ADD1: variants seen among roughly 807,000 people sequenced by gnomAD.
ADD1 encodes alpha-adducin.
A neutral mutation model predicts 80.5 loss-of-function variants in ADD1; 24 were observed. The observed-to-expected ratio is 0.30, with a 90% confidence interval of 0.22 to 0.42. The LOEUF (loss-of-function observed/expected upper bound fraction) is 0.42, where lower values mean the gene tolerates loss of function less well. Among genes scored for constraint, ADD1 ranks in the 10% least tolerant of loss-of-function variants. The pLI, the probability that ADD1 is intolerant of heterozygous loss-of-function variation, is 1.00. For missense variants in ADD1, 948 were observed against 1,019.0 expected (o/e 0.93, Z 0.95); for synonymous variants, 373 against 393.8 (o/e 0.95, Z 0.63).
chr4:2,917,331 T>G (rs1028827508), intron 14 of ADD1, among the ~76,000 whole-genome samples: 8 of 152,248 alleles, frequency 5.3e-5, no homozygotes. Context: ...ATAAATGTCT[T>G]CTTTTGAGAA....
At chr4:2,852,751 T>C (rs1560140229) in intron 1 of ADD1, among the ~76,000 whole-genome samples, 4 of 148,014 alleles carry the variant, frequency 2.7e-5, no homozygotes, top group Admixed American at 2.1e-4. Context: ...CAGGCTGAAG[T>C]GCAGCGGTGC....
At chr4:2,851,212 CT>C (rs1727028081) in intron 1 of ADD1, among the ~76,000 whole-genome samples, 2 of 152,120 alleles carry the variant, frequency 1.3e-5, no homozygotes, top group Non-Finnish European at 2.9e-5. Context: ...CCACAGCTGG[CT>C]AATTTTTAAA....
intron 4 of ADD1, among the ~76,000 whole-genome samples, chr4:2,886,949 T>C (rs994455859): frequency 4.5e-4 from 68 of 152,370 alleles, no homozygotes; most frequent in African/African-American, 1.6e-3. Context: ...GATAACAGCT[T>C]CACCTTCTTC....
chr4:2,885,862 G>T (rs965859974), intron 4 of ADD1, among the ~76,000 whole-genome samples: 1 of 151,948 alleles, frequency 6.6e-6, no homozygotes, highest in Non-Finnish European at 1.5e-5. Context: ...CGCCCGCCTT[G>T]GCCTCCCAAA....
rs746468920 is a variant in ADD1, at chr4:2,928,457, CA to C, written c.2339del (p.Lys780ArgfsTer11). The C allele has an allele frequency of 6.2e-7, 1 of 1,613,582 alleles. No homozygotes were observed. Among genetic ancestry groups the C allele is most frequent in the South Asian group, 1.1e-5 (1 of 91,068 alleles). Reference protein sequence around the residue: ...SDGSPGKSPSKKKKKFRTPSF... With the variant: ...SDGSPGKSPSXKKKKFRTPSF... ...ATGGGTCTCCAGGCAAGTCCCCGTC[CA>C]AAAAGAAGAAGAAGTTCCGTACCCC... On this transcript the variant is annotated frameshift_variant, in exon 16 of 16. Coordinates refer to ENST00000683351, the MANE Select transcript of ADD1 (RefSeq NM_001354761.2). LOFTEE classifies it high-confidence loss of function.
intron 9 of ADD1, among the ~76,000 whole-genome samples, chr4:2,904,344 G>A (rs147816870): frequency 6.6e-6 from 1 of 152,112 alleles, no homozygotes; most frequent in Non-Finnish European, 1.5e-5. Flanking sequence ...CCAAAACAAA[G>A]GTTGTTTTGC....
rs749839697 is a variant in ADD1, at chr4:2,926,687, G to A, written c.2047+575G>A. 61 of 1,612,706 alleles carry A rather than the reference G, an allele frequency of 3.8e-5. 1 individual carries two copies. The highest frequency in any genetic ancestry group is 1.1e-4 in the South Asian group (10 of 90,932). ...TACCTGTTACCCTAGTAAGTACCGT[G>A]CTGCCTCCGCTCTCCACCGGTGCCC... On this transcript the variant is annotated intron_variant, in intron 15 of 15. Coordinates refer to ENST00000683351, the MANE Select transcript of ADD1 (RefSeq NM_001354761.2). This position sits in a 1 kb window ranked among gnomAD's most constrained non-coding sequence, Gnocchi z 5.0.
At chr4:2,852,602 C>T (rs1384275879) in intron 1 of ADD1, among the ~76,000 whole-genome samples, 1 of 151,904 alleles carries the variant, frequency 6.6e-6, no homozygotes, top group African/African-American at 2.4e-5. Context: ...ACAGAATCAC[C>T]AGCAATGTCA....
At chr4:2,894,519 A>G in intron 5 of ADD1, 63 bp from the exon 6 acceptor site, 1 of 1,497,782 alleles carries the variant, frequency 6.7e-7, no homozygotes, top group Non-Finnish European at 9.0e-7. Flanking sequence ...AAAAAAAAAA[A>G]AAAAAAGAAA....
intron 4 of ADD1, among the ~76,000 whole-genome samples, chr4:2,892,852 A>AC (rs1734538886): frequency 2.4e-5 from 2 of 84,792 alleles, no homozygotes; most frequent in Non-Finnish European, 6.2e-5. Context: ...AATAAAAAAC[A>AC]AAAAAAAAAA....
At position 2,907,732 on chromosome 4, in the gene ADD1, T is replaced by C; in HGVS notation, c.1507-11T>C. 1 of 1,605,000 alleles carries C rather than the reference T, an allele frequency of 6.2e-7. No individual in the cohort carries two copies. The highest frequency in any genetic ancestry group is 1.7e-5 in the Admixed American group (1 of 60,014). On this transcript the variant is annotated splice_polypyrimidine_tract_variant and intron_variant, in intron 10 of 15. Transcript: ENST00000683351. The stretch of plus-strand genomic sequence containing the variant: ...ATAATTCTGACTTTTCAACTGTTCT[T>C]GATATTACAGTGGACTAAAGAGGAT...
intron 6 of ADD1, among the ~76,000 whole-genome samples, chr4:2,897,747 T>C (rs1163837892): frequency 6.6e-6 from 1 of 152,006 alleles, no homozygotes. Flanking sequence ...GACGTCGAAC[T>C]TCCAGGCTCA....
Position 2,843,909 on chromosome 4 carries a change from C to G in ADD1, c.-136C>G, listed in dbSNP as rs999958800. The G allele has an allele frequency of 6.6e-6, 1 of 152,600 alleles. No homozygotes were observed. The highest frequency in any genetic ancestry group is 6.6e-5 in the Admixed American group (1 of 15,252). 9.5% of individuals were successfully genotyped at this position (152,600 alleles called of 1,614,324 possible). A position where few individuals can be genotyped will look rare whatever the true frequency, so the allele number is the denominator to read the frequency against. On this transcript the variant is annotated 5_prime_UTR_variant, in exon 1 of 16. Transcript: ENST00000683351. Reference sequence around the variant, plus strand: ...CGGAGGGGCTGAGGGGCGGAGAGGCCTGGCGGGCCGCTGCTGCGGGCCAGG... The same window carrying G: ...CGGAGGGGCTGAGGGGCGGAGAGGCGTGGCGGGCCGCTGCTGCGGGCCAGG...
chr4:2,885,350 C>G (rs916242957), intron 4 of ADD1, among the ~76,000 whole-genome samples: 5 of 152,160 alleles, frequency 3.3e-5, no homozygotes, highest in Non-Finnish European at 7.3e-5. Context: ...ATTCAGAACC[C>G]AAATCTCAAA....
intron 2 of ADD1, 76 bp downstream of exon 2, chr4:2,876,186 A>G: frequency 7.2e-7 from 1 of 1,384,438 alleles, no homozygotes. Context: ...GCCCTGTTGT[A>G]TGAGTGGCAT....
intron 1 of ADD1, among the ~76,000 whole-genome samples, chr4:2,873,668 C>T (rs897617751): frequency 4.6e-5 from 7 of 152,052 alleles, no homozygotes; most frequent in Non-Finnish European, 1.0e-4. Context: ...CCTTTTTTAC[C>T]GATGAAAATG....
At chr4:2,924,971 C>T (rs1254484811) in intron 14 of ADD1, among the ~76,000 whole-genome samples, 5 of 152,138 alleles carry the variant, frequency 3.3e-5, no homozygotes, top group Non-Finnish European at 5.9e-5. Flanking sequence ...GAGTTTCCCC[C>T]CGATGTGTGA....
chr4:2,909,345 CCTCT>C lies in ADD1; in HGVS notation c.1710_1713del (p.Ser571ThrfsTer30). On this transcript the variant is annotated frameshift_variant, in exon 13 of 16. Coordinates refer to ENST00000683351, the MANE Select transcript of ADD1 (RefSeq NM_001354761.2). LOFTEE classifies it high-confidence loss of function. ...ACTCAGTTTACTGTTTCAGGATGCACCTCTCTCTGACTGTACGGAAACTATCGAA... is the reference window on the plus strand; with the variant it reads ...ACTCAGTTTACTGTTTCAGGATGCACCTCTGACTGTACGGAAACTATCGAA... 1 of 1,550,126 alleles carries C rather than the reference CCTCT, an allele frequency of 6.5e-7. No individual in the cohort carries two copies. Among genetic ancestry groups the C allele is most frequent in the Non-Finnish European group, 8.7e-7 (1 of 1,146,648 alleles).
intron 4 of ADD1, chr4:2,887,535 G>A (rs1733590551): frequency 6.6e-6 from 1 of 150,628 alleles, no homozygotes; most frequent in African/African-American, 2.4e-5. Flanking sequence ...TTAGCTGATG[G>A]CTTGGCCTGC....
Sources: gnomAD v4.1 joint callset for allele counts (sites outside exome capture counted in the v4.1 genomes callset) on GRCh38, gnomAD v4.1.1 for gene constraint, Gnocchi (gnomAD v3.1) non-coding constraint, MANE v1.5 for transcripts, NCBI Gene and HGNC (gene_info 2026-07-23, HGNC 2026-07-21) for gene names.